The following FANCI variants were observed in gnomAD, a reference collection of about 807,000 sequenced individuals.
The protein encoded by FANCI is Fanconi anemia group I protein.
A neutral mutation model predicts 176.1 loss-of-function variants in FANCI; 156 were observed. The observed-to-expected ratio is 0.89, with a 90% CI of 0.78 to 1.01. The LOEUF is 1.01. Ranked by LOEUF, FANCI falls within the 50% of genes least tolerant of loss-of-function variation. The pLI is 0.00. For missense variants in FANCI, 1,678 were observed against 1,534.1 expected (o/e 1.09, Z -1.57); for synonymous variants, 613 against 541.7 (o/e 1.13, Z -1.83).
At chr15:89,276,320 C>A (rs2053410023) in intron 12 of FANCI, among the ~76,000 whole-genome samples, 1 of 152,218 alleles carries the variant, frequency 6.6e-6, no homozygotes, top group Non-Finnish European at 1.5e-5. Context: ...ATACTATGAC[C>A]TCTCTCCTAG....
chr15:89,312,404 G>T (rs1314298719), intron 34 of FANCI, among the ~76,000 whole-genome samples: 1 of 152,106 alleles, frequency 6.6e-6, no homozygotes, highest in Non-Finnish European at 1.5e-5. Flanking sequence ...AACTAAAAAA[G>T]AAAAAATATC....
chr15:89,260,870 T>C (rs776934141), intron 4 of FANCI, 27 bp downstream of exon 4: 1 of 1,612,294 alleles, frequency 6.2e-7, no homozygotes, highest in Non-Finnish European at 8.5e-7. Flanking sequence ...AAACTTTTAT[T>C]TGGGGGTAGG....
intron 24 of FANCI, among the ~76,000 whole-genome samples, chr15:89,296,912 CG>C (rs1180983591): frequency 1.4e-5 from 2 of 142,128 alleles, no homozygotes; most frequent in Non-Finnish European, 3.1e-5. Flanking sequence ...GCTGGCCGGG[CG>C]GGGGGCTGAC....
chr15:89,312,951 T>A lies in FANCI; in HGVS notation c.3699T>A (p.Pro1233=). 3.7e-6 allele frequency: 6 copies of A among 1,614,072 alleles called. No homozygotes were observed. The highest frequency in any genetic ancestry group is 5.1e-6 in the Non-Finnish European group (6 of 1,180,016). ...LNYTGEKKEK[P]AAVATAMARV... is the part of the protein sequence containing the mutation. ...ATACGGGAGAGAAAAAGGAGAAACC[T>A]GCTGCCGTTGCCACAGCCATGGTAA... The change falls in exon 35 of 38, where the codon CCT becomes CCA. Residue 1233 remains proline, a synonymous_variant. Coordinates refer to ENST00000310775, the MANE Select transcript of FANCI (RefSeq NM_001113378.2).
At position 89,261,608 on chromosome 15, in the gene FANCI, A is replaced by G. The variant is rs914343886; in HGVS notation, c.312A>G (p.Leu104=). The G allele has an allele frequency of 1.9e-6, 3 of 1,613,994 alleles. No individual in the cohort carries two copies. In the African/African-American group the frequency reaches 4.0e-5, roughly 22 times the overall value. The part of the protein sequence containing the change: ...MLEAHHFPGP[L]LVELANEFIS... ...AGGCTCACCATTTTCCAGGACCATTATTGGTTGAATTAGCCAATGAGTTTA... is the reference window on the plus strand; with the variant it reads ...AGGCTCACCATTTTCCAGGACCATTGTTGGTTGAATTAGCCAATGAGTTTA... The change falls in exon 5 of 38, where the codon TTA becomes TTG. Residue 104 remains leucine (L), a synonymous_variant. Coordinates refer to ENST00000310775, the MANE Select transcript of FANCI (RefSeq NM_001113378.2).
In FANCI at chr15:89,260,698, G is replaced by A. The variant is rs769198126; in HGVS notation, c.158-15G>A. The A allele has an allele frequency of 1.2e-6, 2 of 1,612,856 alleles. No homozygotes were observed. Among genetic ancestry groups the A allele is most frequent in the Non-Finnish European group, 1.7e-6 (2 of 1,179,318 alleles). ...TGTAAGACTTGTTTCTGAACCCCCT[G>A]TTTAAAACAATAAGGTTCCCCCTGC... is the stretch of plus-strand genomic sequence containing the variant. On this transcript the variant is annotated splice_polypyrimidine_tract_variant and intron_variant, in intron 3 of 37. Coordinates refer to ENST00000310775, the MANE Select transcript of FANCI (RefSeq NM_001113378.2).
intron 34 of FANCI, among the ~76,000 whole-genome samples, chr15:89,310,318 G>A (rs1438602356): frequency 6.6e-6 from 1 of 152,184 alleles, no homozygotes; most frequent in Non-Finnish European, 1.5e-5. Flanking sequence ...TTTATACTAT[G>A]GGCTATAGTC....
intron 9 of FANCI, among the ~76,000 whole-genome samples, chr15:89,265,664 C>G (rs1479049454): frequency 2.0e-5 from 3 of 152,018 alleles, no homozygotes; most frequent in African/African-American, 7.3e-5. Flanking sequence ...GCTGAGATTG[C>G]AGGCATGCGC....
intron 9 of FANCI, among the ~76,000 whole-genome samples, chr15:89,265,479 T>C (rs1450563430): frequency 6.6e-6 from 1 of 152,114 alleles, no homozygotes; most frequent in Non-Finnish European, 1.5e-5. Flanking sequence ...AGTGCTGGGA[T>C]TACAGACATG....
At chr15:89,290,376 C>T (rs1221380088) in intron 19 of FANCI, 95 bp downstream of exon 19, 1 of 947,340 alleles carries the variant, frequency 1.1e-6, no homozygotes, top group Non-Finnish European at 1.7e-6. Flanking sequence ...AAAATAATTC[C>T]CAACTAGTAC....
chr15:89,301,354 A>G lies in FANCI; in HGVS notation c.2918A>G (p.Gln973Arg), dbSNP rs780663944. 33 of 1,613,902 alleles carry G rather than the reference A, an allele frequency of 2.0e-5. No homozygotes were observed. Among genetic ancestry groups the G allele is most frequent in the Non-Finnish European group, 2.8e-5 (33 of 1,179,952 alleles). ...TCCTTGTTGAATTTACTTAGCAGTC[A>G]AGAGGAAGATTTTAATAGCAAAGAA... ...QRSLLNLLSS[Q>R]EEDFNSKEAL... Residue 973 changes from glutamine to arginine, a missense_variant, in exon 27 of 38, where the codon CAA becomes CGA. Transcript: ENST00000310775.
Position 89,263,886 on chromosome 15 carries a change from G to C in FANCI, c.546-17G>C. On this transcript the variant is annotated splice_polypyrimidine_tract_variant and intron_variant, in intron 7 of 37. Transcript: ENST00000310775. Reference sequence around the variant, plus strand: ...AGTTAGACACTGTCTATAGCCTTTAGAATCTTTGATCCACAGGGATGTCCC... The same window carrying C: ...AGTTAGACACTGTCTATAGCCTTTACAATCTTTGATCCACAGGGATGTCCC... The C allele has an allele frequency of 1.2e-6, 2 of 1,614,020 alleles. No homozygotes were observed. The highest frequency in any genetic ancestry group is 1.7e-6 in the Non-Finnish European group (2 of 1,179,936).
chr15:89,252,636 A>G (rs2052309492), intron 2 of FANCI, among the ~76,000 whole-genome samples: 1 of 152,168 alleles, frequency 6.6e-6, no homozygotes, highest in Non-Finnish European at 1.5e-5. Flanking sequence ...GCTACTCAGG[A>G]GGCTGAGGCA....
rs2151844601 is a variant in FANCI at position 89,300,306 on chromosome 15, C to G, written c.2810C>G (p.Thr937Arg). ...GTTTCTTTTCCATTCCTAGATGTCA[C>G]AGATAAGGAAGGAGAAGAGAGAGAA... ...IQQFLRALDV[T>R]DKEGEEREDA... The change falls in exon 26 of 38, where the codon ACA becomes AGA. Residue 937 changes from threonine (T) to arginine (R), a missense_variant. By Grantham distance (71) the Thr-to-Arg change is moderately conservative. Around this residue, in one of 3 missense-constraint regions of FANCI, gnomAD observed 1,204 missense variants for 1,077.4 expected, o/e 1.12. Coordinates refer to ENST00000310775, the MANE Select transcript of FANCI (RefSeq NM_001113378.2). 6.2e-7 allele frequency: 1 copy of G among 1,613,176 alleles called. No homozygotes were observed. Among genetic ancestry groups the G allele is most frequent in the East Asian group, 2.2e-5 (1 of 44,876 alleles).
Position 89,261,756 on chromosome 15 carries a change from A to T in FANCI, c.445+15A>T. On this transcript the variant is annotated intron_variant, in intron 5 of 37. Coordinates refer to ENST00000310775, the MANE Select transcript of FANCI (RefSeq NM_001113378.2). ...TTATGGAAAAGGTAATTTTCTTCCG[A>T]CTTTAGTGGCTTTTTCTCTATGCAC... 4.3e-6 allele frequency: 7 copies of T among 1,614,138 alleles called. 1 individual carries two copies. The highest frequency in any genetic ancestry group is 4.0e-5 in the African/African-American group (3 of 75,048).
intron 34 of FANCI, among the ~76,000 whole-genome samples, chr15:89,311,919 C>T (rs1241698111): frequency 1.3e-5 from 2 of 152,178 alleles, no homozygotes; most frequent in Non-Finnish European, 2.9e-5. Flanking sequence ...CCCAGTCTCT[C>T]CTGACTCAAG....
intron 20 of FANCI, among the ~76,000 whole-genome samples, chr15:89,292,073 G>T (rs1353667214): frequency 6.6e-6 from 1 of 152,218 alleles, no homozygotes; most frequent in Admixed American, 6.5e-5. Flanking sequence ...TCTAGAGGAA[G>T]TATATGATTT....
At chr15:89,263,077 A>G (rs905188560) in intron 6 of FANCI, among the ~76,000 whole-genome samples, 4 of 152,212 alleles carry the variant, frequency 2.6e-5, no homozygotes, top group African/African-American at 9.7e-5. Context: ...AAGCATGTAC[A>G]TGGCATATAT....
intron 32 of FANCI, 24 bp from the exon 33 acceptor site, chr15:89,307,452 A>T (rs1183962826): frequency 6.2e-7 from 1 of 1,609,620 alleles, no homozygotes; most frequent in East Asian, 2.2e-5. Flanking sequence ...CAGTCTACTA[A>T]ATCTAGGAAT....
Sources: allele counts gnomAD v4.1 joint callset (sites outside exome capture counted in the v4.1 genomes callset), GRCh38; gene constraint gnomAD v4.1.1; regional missense constraint gnomAD v4.1.1; transcripts MANE v1.5; gene names NCBI Gene and HGNC (gene_info 2026-07-23, HGNC 2026-07-21).